Variants in RYR3 observed in about 807,000 individuals in gnomAD.
RYR3 encodes the protein ryanodine receptor 3.
In RYR3, 207 loss-of-function variants were observed where a neutral mutation model predicts 584.3. That is an observed-to-expected ratio of 0.35 (90% CI 0.32 to 0.40). The LOEUF (loss-of-function observed/expected upper bound fraction) is 0.40, where lower values mean the gene tolerates loss of function less well. Among genes scored for constraint, RYR3 ranks in the 10% least tolerant of loss-of-function variants. The probability of loss-of-function intolerance (pLI) is 1.00; values close to 1 mark genes in which losing one functional copy is unlikely to be tolerated. For synonymous variants in RYR3, 2,416 were observed against 2,248.5 expected (o/e 1.07, Z -2.11); for missense variants, 5,616 against 6,089.2 (o/e 0.92, Z 2.59).
At chr15:33,563,097 C>A in intron 11 of RYR3, 87 bp downstream of exon 11, 1 of 1,068,684 alleles carries the variant, frequency 9.4e-7, no homozygotes, top group Non-Finnish European at 1.4e-6. Flanking sequence ...ACCAGGTGGA[C>A]ATGATTGTGA....
At chr15:33,478,396 C>T (rs1052928086) in intron 2 of RYR3, among the ~76,000 whole-genome samples, 1 of 152,176 alleles carries the variant, frequency 6.6e-6, no homozygotes, top group South Asian at 2.1e-4. Flanking sequence ...ACCAATATAT[C>T]TGTAACAATT....
chr15:33,598,161 C>G (rs991410730), intron 16 of RYR3, among the ~76,000 whole-genome samples: 2 of 136,580 alleles, frequency 1.5e-5, no homozygotes, highest in African/African-American at 5.6e-5. Context: ...AGAGTAGCCT[C>G]TGCTGCAATA....
intron 52 of RYR3, among the ~76,000 whole-genome samples, chr15:33,744,667 C>G (rs1347357279): frequency 2.6e-5 from 4 of 152,134 alleles, no homozygotes; most frequent in African/African-American, 7.2e-5. Context: ...CCATTTGTCA[C>G]AAGGAAGTAA....
intron 3 of RYR3, among the ~76,000 whole-genome samples, chr15:33,523,173 AATCAGCACTCTGTAAAATGGACCT>A (rs1470055032): frequency 2.6e-5 from 4 of 152,134 alleles, no homozygotes; most frequent in African/African-American, 9.7e-5. Context: ...AAAATGGACC[AATCAGCACTCTGTAAAATGGACCT>A]ATCAGCAGGA....
rs1030065828 is a variant in RYR3 at position 33,810,624 on chromosome 15, C to G, written c.10172C>G (p.Ser3391Cys). ...MCTPGDQELI[S>C]LAKSRYSHRD... The stretch of plus-strand genomic sequence containing the variant: ...ACTCCAGGCGACCAGGAGCTGATCT[C>G]CCTCGCAAAATCGCGATACAGCCAT... Residue 3391 changes from serine (S) to cysteine (C), a missense_variant, in exon 71 of 104, where the codon TCC becomes TGC. Coordinates refer to ENST00000634891, the MANE Select transcript of RYR3 (RefSeq NM_001036.6). 1.2e-6 allele frequency: 2 copies of G among 1,614,004 alleles called. No individual in the cohort carries two copies. Among genetic ancestry groups the G allele is most frequent in the Non-Finnish European group, 8.5e-7 (1 of 1,179,878 alleles).
At chr15:33,497,294 A>G (rs556750551) in intron 2 of RYR3, among the ~76,000 whole-genome samples, 1 of 152,236 alleles carries the variant, frequency 6.6e-6, no homozygotes, top group Admixed American at 6.5e-5. Context: ...TGCTGTCTAC[A>G]TGGTCTTTCT....
At chr15:33,754,225 A>C (rs2071593876) in intron 57 of RYR3, among the ~76,000 whole-genome samples, 1 of 152,134 alleles carries the variant, frequency 6.6e-6, no homozygotes, top group African/African-American at 2.4e-5. Context: ...CCCTGCTTCT[A>C]CACTTGACTC....
At chr15:33,654,626 A>G (rs1284816208) in intron 32 of RYR3, among the ~76,000 whole-genome samples, 2 of 152,164 alleles carry the variant, frequency 1.3e-5, no homozygotes, top group Admixed American at 6.5e-5. Flanking sequence ...TCTGTGGACA[A>G]CATCGCATAG....
chr15:33,504,552 C>G (rs1210547352), intron 3 of RYR3, among the ~76,000 whole-genome samples: 1 of 152,162 alleles, frequency 6.6e-6, no homozygotes, highest in African/African-American at 2.4e-5. Flanking sequence ...ATACTTACCC[C>G]CTCCTCCCGT....
intron 59 of RYR3, among the ~76,000 whole-genome samples, chr15:33,757,073 A>G (rs183324012): frequency 2.5e-4 from 38 of 152,264 alleles, no homozygotes; most frequent in African/African-American, 8.9e-4. Context: ...CCCTGCTCAG[A>G]GGACTAAAGG....
chr15:33,703,895 C>T (rs2066483234), intron 42 of RYR3, among the ~76,000 whole-genome samples: 1 of 152,104 alleles, frequency 6.6e-6, no homozygotes, highest in African/African-American at 2.4e-5. Flanking sequence ...AATCTATTTA[C>T]TGGCCTTATC....
chr15:33,746,292 CA>C (rs1278993466), intron 53 of RYR3, 135 bp downstream of exon 53: 3 of 690,014 alleles, frequency 4.3e-6, no homozygotes, highest in Non-Finnish European at 7.7e-6. Flanking sequence ...AAACTGTTCA[CA>C]AGCTTGCCAG....
chr15:33,821,718 G>C, intron 80 of RYR3, 116 bp downstream of exon 80: 4 of 939,634 alleles, frequency 4.3e-6, no homozygotes, highest in Non-Finnish European at 6.7e-6. Flanking sequence ...GAATCACTTA[G>C]CTCACGTTTG....
Position 33,755,561 on chromosome 15 carries a change from G to T in RYR3, c.8515+381G>T, listed in dbSNP as rs556293999. ...CACTTGAACCTGGGAGGCAGAGGTT[G>T]CAGTGAGATCGTGCCATTGCACTCC... On this transcript the variant is annotated intron_variant, in intron 58 of 103. Coordinates refer to ENST00000634891, the MANE Select transcript of RYR3 (RefSeq NM_001036.6). Among the ~76,000 whole-genome samples the T allele has an allele frequency of 4.4e-4, 67 of 152,300 alleles. No individual in the cohort carries two copies. The East Asian group carries it at 0.013, about 29-fold the overall frequency.
At chr15:33,696,698 G>A (rs1037442195) in intron 39 of RYR3, among the ~76,000 whole-genome samples, 5 of 152,202 alleles carry the variant, frequency 3.3e-5, no homozygotes, top group African/African-American at 1.2e-4. Flanking sequence ...GTATGGAGGA[G>A]TCTTGGGGAA....
rs775468632 is a variant in RYR3 at position 33,861,080 on chromosome 15, T to C, written c.14367T>C (p.Thr4789=). The C allele has an allele frequency of 1.3e-6, 2 of 1,581,722 alleles. No individual in the cohort carries two copies. Among genetic ancestry groups the C allele is most frequent in the Non-Finnish European group, 1.7e-6 (2 of 1,161,996 alleles). ...TTTCTGCCTGTTATTTTTCTTAGAC[T>C]AAATGTTTCATCTGTGGGATTGGCA... ...QQEQVREDME[T]KCFICGIGND... Residue 4789 remains threonine (T), a splice_region_variant and synonymous_variant, in exon 102 of 104, where the codon ACT becomes ACC. Transcript: ENST00000634891.
At chr15:33,863,155 C>T (rs1037144797) in intron 102 of RYR3, among the ~76,000 whole-genome samples, 2 of 152,148 alleles carry the variant, frequency 1.3e-5, no homozygotes, top group Non-Finnish European at 2.9e-5. Flanking sequence ...CCTCTAGGAG[C>T]AAGCTTGAGG....
chr15:33,738,684 C>T, intron 50 of RYR3, 94 bp downstream of exon 50: 2 of 1,423,550 alleles, frequency 1.4e-6, no homozygotes, highest in South Asian at 2.5e-5. Context: ...ATTCCATTTG[C>T]CAGGACCTGT....
At position 33,649,206 on chromosome 15, in the gene RYR3, A is replaced by G. The variant is rs751733819; in HGVS notation, c.4113A>G (p.Leu1371=). 6.2e-7 allele frequency: 1 copy of G among 1,613,448 alleles called. No homozygotes were observed. Among genetic ancestry groups the G allele is most frequent in the Non-Finnish European group, 8.5e-7 (1 of 1,179,798 alleles). The change falls in exon 31 of 104, where the codon CTA becomes CTG. Residue 1371 remains leucine (L), a synonymous_variant. Transcript: ENST00000634891. ...AAAACTGCACAGTGACTGTCACCCT[A>G]GGGGATGAAAGAGGCCGGGTCCATG... The part of the protein sequence containing the change: ...LNKNCTVTVT[L]GDERGRVHES...
Sources: gnomAD v4.1 joint callset for allele counts (sites outside exome capture counted in the v4.1 genomes callset) on GRCh38, gnomAD v4.1.1 for gene constraint, MANE v1.5 for transcripts, NCBI Gene and HGNC (gene_info 2026-07-23, HGNC 2026-07-21) for gene names.